Variants in GOLGA4 observed in about 807,000 individuals in gnomAD.
The protein encoded by GOLGA4 is golgin subfamily A member 4.
In GOLGA4, 169 loss-of-function variants were observed where a neutral mutation model predicts 265.9. The observed-to-expected ratio is 0.64, with a 90% CI of 0.56 to 0.72. The LOEUF (loss-of-function observed/expected upper bound fraction) is 0.72, where lower values mean the gene tolerates loss of function less well. GOLGA4 is among the 30% of genes least tolerant of loss of function. The probability of loss-of-function intolerance (pLI) is 0.00; values close to 1 mark genes in which losing one functional copy is unlikely to be tolerated. For synonymous variants in GOLGA4, 923 were observed against 855.8 expected (o/e 1.08, Z -1.37); for missense variants, 2,482 against 2,483.4 (o/e 1.00, Z 0.01).
chr3:37,310,236 A>G (rs750246854), intron 10 of GOLGA4, among the ~76,000 whole-genome samples: 2 of 152,162 alleles, frequency 1.3e-5, no homozygotes, highest in African/African-American at 2.4e-5. Context: ...GGGGCAGTGT[A>G]ACAAAATAGT....
chr3:37,286,142 T>C lies in GOLGA4; in HGVS notation c.525+81T>C, dbSNP rs910688895. 1.6e-3 allele frequency: 892 copies of C among 542,452 alleles called. 10 individuals are homozygous for C. The highest frequency in any genetic ancestry group is 2.1e-3 in the Middle Eastern group (4 of 1,930). The allele number at this position is 542,452 out of a possible 1,614,324, so 33.6% of individuals were successfully genotyped here. ...TATATAGTAAGATATTTCTTTCTTT[T>C]TTTTTTTTTTTTTTTTTTTTTTGAG... On this transcript the variant is annotated intron_variant, in intron 4 of 23. Coordinates refer to ENST00000361924, the MANE Select transcript of GOLGA4 (RefSeq NM_002078.5).
At chr3:37,304,745 C>T (rs988512257) in intron 10 of GOLGA4, among the ~76,000 whole-genome samples, 13 of 152,190 alleles carry the variant, frequency 8.5e-5, no homozygotes, top group South Asian at 6.2e-4. Context: ...CATTTACATG[C>T]GGATAAAATT....
At chr3:37,253,372 G>A (rs1314408844) in intron 2 of GOLGA4, among the ~76,000 whole-genome samples, 3 of 151,006 alleles carry the variant, frequency 2.0e-5, no homozygotes, top group African/African-American at 4.8e-5. Context: ...TTAATTTAAT[G>A]TCCTTTTAAC....
chr3:37,307,707 C>G (rs2096910735), intron 10 of GOLGA4, among the ~76,000 whole-genome samples: 1 of 151,646 alleles, frequency 6.6e-6, no homozygotes. Flanking sequence ...TATTTTGGCA[C>G]TAAATGAATA....
At position 37,355,121 on chromosome 3, in the gene GOLGA4, C is replaced by G. The variant is rs78531765; in HGVS notation, c.6597C>G (p.Thr2199=). The G allele has an allele frequency of 9.6e-4, 1,546 of 1,603,466 alleles. 6 individuals are homozygous for G. In the African/African-American group the frequency reaches 0.019, roughly 19 times the overall value. ...TGTAGACCATGGCAAAAGTTATAAC[C>G]ACCGTACTGAAGTTCCCTGATGATC... ...RETKTMAKVI[T]TVLKFPDDQT... is the part of the protein sequence containing the mutation. The change falls in exon 22 of 24, where the codon ACC becomes ACG. Residue 2199 remains threonine, a synonymous_variant. Coordinates refer to ENST00000361924, the MANE Select transcript of GOLGA4 (RefSeq NM_002078.5).
At chr3:37,362,202 T>TTTA (rs1053085923) in intron 23 of GOLGA4, among the ~76,000 whole-genome samples, 5 of 8,518 alleles carry the variant, frequency 5.9e-4, no homozygotes, top group Admixed American at 1.3e-3. Context: ...TAAGCTTTTA[T>TTTA]TTATTTATTT....
chr3:37,357,304 A>G (rs1245147081), intron 22 of GOLGA4, among the ~76,000 whole-genome samples: 2 of 152,154 alleles, frequency 1.3e-5, no homozygotes, highest in Non-Finnish European at 2.9e-5. Flanking sequence ...TTGCTTAATG[A>G]ATAAGTTCAG....
intron 18 of GOLGA4, among the ~76,000 whole-genome samples, chr3:37,337,375 T>A (rs568962676): frequency 1.6e-4 from 24 of 152,032 alleles, no homozygotes; most frequent in South Asian, 8.3e-4. Context: ...ATTTTTTTTT[T>A]AATTTTTGTA....
intron 22 of GOLGA4, among the ~76,000 whole-genome samples, chr3:37,359,105 G>A (rs2097097913): frequency 6.6e-6 from 1 of 152,074 alleles, no homozygotes; most frequent in Admixed American, 6.6e-5. Context: ...GTTTTTCCTA[G>A]AACAGCTTTT....
intron 1 of GOLGA4, chr3:37,245,223 A>C (rs1450330867): frequency 6.6e-6 from 1 of 152,650 alleles, no homozygotes; most frequent in Non-Finnish European, 1.5e-5. Flanking sequence ...TGTACCAGAC[A>C]TTTTGCTTAG....
At chr3:37,279,059 C>CG (rs773359774) in intron 2 of GOLGA4, among the ~76,000 whole-genome samples, 1 of 152,000 alleles carries the variant, frequency 6.6e-6, no homozygotes, top group Non-Finnish European at 1.5e-5. Flanking sequence ...TACACAAAGA[C>CG]GGGGGGATGC....
intron 10 of GOLGA4, among the ~76,000 whole-genome samples, chr3:37,306,103 C>G (rs1214714227): frequency 1.3e-5 from 2 of 152,130 alleles, no homozygotes; most frequent in Non-Finnish European, 2.9e-5. Context: ...AATACTGAGA[C>G]TGTGAATACA....
chr3:37,275,664 G>C, intron 2 of GOLGA4: 1 of 1,611,140 alleles, frequency 6.2e-7, no homozygotes, highest in South Asian at 1.1e-5. Context: ...TTGCCAGCGG[G>C]GTGGGCGCGG....
At chr3:37,291,013 G>A (rs1469564268) in intron 5 of GOLGA4, among the ~76,000 whole-genome samples, 1 of 152,094 alleles carries the variant, frequency 6.6e-6, no homozygotes, top group Non-Finnish European at 1.5e-5. Context: ...TAAATGAAGG[G>A]TGTTGATAGG....
intron 2 of GOLGA4, among the ~76,000 whole-genome samples, chr3:37,279,325 G>A (rs1174001787): frequency 6.6e-6 from 1 of 152,212 alleles, no homozygotes; most frequent in Non-Finnish European, 1.5e-5. Context: ...CTCGTGATGA[G>A]TTGGAGTCAA....
chr3:37,344,347 C>T (rs1460810614), intron 20 of GOLGA4, among the ~76,000 whole-genome samples: 1 of 152,206 alleles, frequency 6.6e-6, no homozygotes, highest in African/African-American at 2.4e-5. Context: ...TGTGATCCAC[C>T]CGCCTTGGCC....
At chr3:37,353,624 A>C (rs2097081729) in intron 21 of GOLGA4, among the ~76,000 whole-genome samples, 1 of 152,012 alleles carries the variant, frequency 6.6e-6, no homozygotes, top group African/African-American at 2.4e-5. Context: ...TGCAACCTCA[A>C]ATTCCTGGAT....
intron 19 of GOLGA4, 105 bp downstream of exon 19, chr3:37,337,839 AC>A: frequency 2.9e-6 from 2 of 682,788 alleles, no homozygotes; most frequent in South Asian, 1.9e-5. Context: ...TTTCAGTCTT[AC>A]ACCCAGGAAA....
At position 37,347,306 on chromosome 3, in the gene GOLGA4, A is replaced by T; in HGVS notation, c.6576+10A>T. ...GGGTCGTGAGACTAAGGTATAAATC[A>T]TGTCTCGTGATTTGGTGTGTGGCTT... is the stretch of plus-strand genomic sequence containing the variant. On this transcript the variant is annotated intron_variant, in intron 21 of 23. Coordinates refer to ENST00000361924, the MANE Select transcript of GOLGA4 (RefSeq NM_002078.5). The T allele has an allele frequency of 7.0e-7, 1 of 1,431,898 alleles. No homozygotes were observed. The highest frequency in any genetic ancestry group is 9.8e-7 in the Non-Finnish European group (1 of 1,015,800). The allele number at this position is 1,431,898 out of a possible 1,614,324, so 88.7% of individuals were successfully genotyped here.
Sources: allele counts gnomAD v4.1 joint callset (sites outside exome capture counted in the v4.1 genomes callset), GRCh38; gene constraint gnomAD v4.1.1; transcripts MANE v1.5; gene names NCBI Gene and HGNC (gene_info 2026-07-23, HGNC 2026-07-21).